The following TRPC1 variants were observed in gnomAD, a reference collection of about 807,000 sequenced individuals.
TRPC1 encodes short transient receptor potential channel 1.
A neutral mutation model predicts 88.2 loss-of-function variants in TRPC1; 42 were observed. That is an observed-to-expected ratio of 0.48 (90% CI 0.37 to 0.62). The LOEUF (loss-of-function observed/expected upper bound fraction) is 0.62. TRPC1 is among the 20% of genes least tolerant of loss of function. TRPC1 has a pLI of 0.00. For missense variants in TRPC1, 699 were observed against 957.3 expected (o/e 0.73, Z 3.56); for synonymous variants, 288 against 331.8 (o/e 0.87, Z 1.43).
At chr3:142,786,628 C>T (rs9864230) in intron 7 of TRPC1, among the ~76,000 whole-genome samples, 52,939 of 151,918 alleles carry the variant, frequency 0.35, 12,700 homozygotes, top group African/African-American at 0.69. Flanking sequence ...TTATATTGGA[C>T]TGTGGGACTC....
At chr3:142,779,612 G>A (rs1217666488) in intron 5 of TRPC1, among the ~76,000 whole-genome samples, 1 of 152,104 alleles carries the variant, frequency 6.6e-6, no homozygotes, top group Non-Finnish European at 1.5e-5. Flanking sequence ...AATGATGAGA[G>A]AAATTAAGGC....
intron 9 of TRPC1, chr3:142,801,103 T>C (rs1447521975): frequency 6.6e-6 from 1 of 152,088 alleles, no homozygotes; most frequent in East Asian, 1.9e-4. Flanking sequence ...GTTCTACATA[T>C]ACATACTGTT....
intron 4 of TRPC1, among the ~76,000 whole-genome samples, chr3:142,758,217 C>G (rs921157090): frequency 2.0e-5 from 3 of 152,164 alleles, no homozygotes; most frequent in African/African-American, 7.2e-5. Context: ...CCATACTGTT[C>G]TCCATAGTGG....
chr3:142,793,832 C>T (rs1203148921), intron 9 of TRPC1: 1 of 983,530 alleles, frequency 1.0e-6, no homozygotes, highest in Non-Finnish European at 1.2e-6. Context: ...ATTACCTTCT[C>T]CAAACAGGGA....
intron 4 of TRPC1, among the ~76,000 whole-genome samples, chr3:142,759,022 T>G (rs982211975): frequency 6.6e-6 from 1 of 152,178 alleles, no homozygotes; most frequent in Non-Finnish European, 1.5e-5. Flanking sequence ...TTTTTATGGC[T>G]GCATAGTATT....
At chr3:142,770,678 T>A (rs1935546135) in intron 4 of TRPC1, among the ~76,000 whole-genome samples, 1 of 152,220 alleles carries the variant, frequency 6.6e-6, no homozygotes, top group Non-Finnish European at 1.5e-5. Context: ...ATGTTATTGA[T>A]AGTTGGATTT....
At chr3:142,796,681 A>C (rs1418003307) in intron 9 of TRPC1, among the ~76,000 whole-genome samples, 7 of 152,110 alleles carry the variant, frequency 4.6e-5, no homozygotes, top group Admixed American at 4.6e-4. Context: ...TACTCAAAAA[A>C]GGTTGCCACA....
chr3:142,739,028 A>G (rs917565246), intron 2 of TRPC1, among the ~76,000 whole-genome samples: 1 of 151,908 alleles, frequency 6.6e-6, no homozygotes, highest in Admixed American at 6.6e-5. Context: ...CTGGAGTGCA[A>G]TGGCGTGATC....
intron 4 of TRPC1, among the ~76,000 whole-genome samples, chr3:142,765,822 G>C (rs60319320): frequency 6.6e-6 from 1 of 151,876 alleles, no homozygotes; most frequent in Non-Finnish European, 1.5e-5. Flanking sequence ...TGCAAAGTAT[G>C]CATCTGACAA....
rs954263947 is a variant in TRPC1, at chr3:142,729,588, C to T, written c.172+4857C>T. 4.6e-5 allele frequency among the ~76,000 whole-genome samples: 7 copies of T among 152,154 alleles called. No homozygotes were observed. In the South Asian group the frequency reaches 8.3e-4, roughly 18 times the overall value. ...TAAAAAAAATGTAACCCAAGCCAGA[C>T]TCCTAGCTATACCTTGTATATAGAC... On this transcript the variant is annotated intron_variant, in intron 1 of 12. Coordinates refer to ENST00000476941, the MANE Select transcript of TRPC1 (RefSeq NM_001251845.2).
chr3:142,802,465 C>T (rs1936652395), intron 10 of TRPC1, 121 bp downstream of exon 10: 1 of 676,644 alleles, frequency 1.5e-6, no homozygotes, highest in Non-Finnish European at 2.1e-6. Context: ...TAGTAATGTT[C>T]ATAAACTTTA....
At chr3:142,747,758 G>A (rs904403091) in intron 3 of TRPC1, among the ~76,000 whole-genome samples, 1 of 152,176 alleles carries the variant, frequency 6.6e-6, no homozygotes, top group Admixed American at 6.5e-5. Flanking sequence ...TATACAAAAT[G>A]AAGAGTGCTT....
At chr3:142,782,858 C>T (rs1936007977) in intron 6 of TRPC1, among the ~76,000 whole-genome samples, 1 of 152,182 alleles carries the variant, frequency 6.6e-6, no homozygotes, top group Non-Finnish European at 1.5e-5. Flanking sequence ...TGTGTGCAGC[C>T]TGGGCTTCCT....
At chr3:142,731,415 C>T (rs545041518) in intron 1 of TRPC1, among the ~76,000 whole-genome samples, 89 of 120,026 alleles carry the variant, frequency 7.4e-4, no homozygotes, top group Non-Finnish European at 9.8e-4. Context: ...GACCGAGTCT[C>T]GCTCTGTCGC....
chr3:142,762,422 T>C (rs1935215831), intron 4 of TRPC1, among the ~76,000 whole-genome samples: 1 of 149,756 alleles, frequency 6.7e-6, no homozygotes, highest in African/African-American at 2.5e-5. Flanking sequence ...GTTTGGTTTA[T>C]TCTTGATTTT....
chr3:142,777,462 A>G (rs942941755), intron 4 of TRPC1, among the ~76,000 whole-genome samples, 170 bp from the exon 5 acceptor site: 2 of 152,172 alleles, frequency 1.3e-5, no homozygotes, highest in Admixed American at 1.3e-4. Flanking sequence ...TTATATCTCA[A>G]AATATTTGTT....
chr3:142,761,065 T>G (rs1935166397), intron 4 of TRPC1, among the ~76,000 whole-genome samples: 1 of 152,134 alleles, frequency 6.6e-6, no homozygotes, highest in Non-Finnish European at 1.5e-5. Flanking sequence ...CCTTTCCAAT[T>G]TGGATACTCT....
At position 142,724,495 on chromosome 3, in the gene TRPC1, G is replaced by A. The variant is rs1933571677; in HGVS notation, c.-65G>A. Reference sequence around the variant, plus strand: ...AGCCCTGGGGCGTGGCTGGGGTCGGGGTCGGGGTCGGGGCCGGTGGGGGCC... The same window carrying A: ...AGCCCTGGGGCGTGGCTGGGGTCGGAGTCGGGGTCGGGGCCGGTGGGGGCC... On this transcript the variant is annotated 5_prime_UTR_variant, in exon 1 of 13. Coordinates refer to ENST00000476941, the MANE Select transcript of TRPC1 (RefSeq NM_001251845.2). The surrounding 1 kb of genome is among the most constrained non-coding windows in gnomAD (Gnocchi z 5.6). 2.1e-6 allele frequency: 3 copies of A among 1,434,616 alleles called. No homozygotes were observed. Among genetic ancestry groups the A allele is most frequent in the Non-Finnish European group, 2.7e-6 (3 of 1,092,010 alleles). The allele number at this position is 1,434,616 out of a possible 1,614,324, so 88.9% of individuals were successfully genotyped here. A position where few individuals can be genotyped will look rare whatever the true frequency, so the allele number is the denominator to read the frequency against.
Position 142,804,419 on chromosome 3 carries a change from A to G in TRPC1, c.1960-17A>G. 6.3e-7 allele frequency: 1 copy of G among 1,589,038 alleles called. No individual in the cohort carries two copies. ...TATTAATATTCTAGTTTGCTTTTTA[A>G]TTTGCCTTTTATATAGAATCATGAA... On this transcript the variant is annotated splice_polypyrimidine_tract_variant and intron_variant, in intron 11 of 12. Coordinates refer to ENST00000476941, the MANE Select transcript of TRPC1 (RefSeq NM_001251845.2).
Sources: allele counts gnomAD v4.1 joint callset (sites outside exome capture counted in the v4.1 genomes callset), GRCh38; gene constraint gnomAD v4.1.1; non-coding constraint Gnocchi (gnomAD v3.1); transcripts MANE v1.5; gene names NCBI Gene and HGNC (gene_info 2026-07-23, HGNC 2026-07-21).